The following COL24A1 variants were observed in gnomAD, a reference collection of about 807,000 sequenced individuals.
COL24A1 encodes collagen type XXIV alpha 1 chain, also known as collagen alpha-1(XXIV) chain.
A neutral mutation model predicts 253.9 loss-of-function variants in COL24A1; 224 were observed. The observed-to-expected ratio is 0.88, with a 90% confidence interval of 0.79 to 0.99. The LOEUF (loss-of-function observed/expected upper bound fraction) is 0.99. Ranked by LOEUF, COL24A1 falls within the 50% of genes least tolerant of loss-of-function variation. COL24A1 has a pLI of 0.00. For synonymous variants in COL24A1, 685 were observed against 673.7 expected (o/e 1.02, Z -0.26); for missense variants, 2,131 against 2,068.5 (o/e 1.03, Z -0.59).
intron 41 of COL24A1, among the ~76,000 whole-genome samples, chr1:85,841,521 A>C (rs1676614023): frequency 6.6e-6 from 1 of 152,200 alleles, no homozygotes; most frequent in African/African-American, 2.4e-5. Context: ...GAATTTTCTT[A>C]AAGTGTCAGA....
At position 85,844,265 on chromosome 1, in the gene COL24A1, A is replaced by G. The variant is rs1676932411; in HGVS notation, c.3463-1872T>C. Reference sequence around the variant, plus strand: ...CTATAATGCAATGTAATTAAAAATGAGCAATAAAAATTAAAAATCTACTTA... The same window carrying G: ...CTATAATGCAATGTAATTAAAAATGGGCAATAAAAATTAAAAATCTACTTA... On this transcript the variant is annotated intron_variant, in intron 39 of 59. Transcript: ENST00000370571. Among the ~76,000 whole-genome samples, 4 of 152,224 alleles carry G rather than the reference A, an allele frequency of 2.6e-5. No homozygotes were observed. In the South Asian group the frequency reaches 8.3e-4, roughly 32 times the overall value.
intron 2 of COL24A1, among the ~76,000 whole-genome samples, chr1:86,136,307 GGT>G (rs1650238684): frequency 1.3e-5 from 2 of 151,936 alleles, no homozygotes; most frequent in Admixed American, 1.3e-4. Context: ...TATATTTTGG[GGT>G]GTGTTTCTCA....
rs1011566810 is a variant in COL24A1, at chr1:86,089,085, A to G, written c.1707+89T>C. 1.2e-5 allele frequency: 12 copies of G among 1,034,524 alleles called. No homozygotes were observed. The Admixed American group carries it at 1.4e-4, about 12-fold the overall frequency. The allele number at this position is 1,034,524 out of a possible 1,614,324, so 64.1% of individuals were successfully genotyped here. A position where few individuals can be genotyped will look rare whatever the true frequency, so the allele number is the denominator to read the frequency against. ...ACCTCCAAGATCCATATATCATCCA[A>G]TTATGTTTCAGAACAGGTATCCCTG... On this transcript the variant is annotated intron_variant, in intron 7 of 59. Transcript: ENST00000370571.
chr1:85,762,032 G>T (rs934280862), intron 53 of COL24A1, among the ~76,000 whole-genome samples: 1 of 152,094 alleles, frequency 6.6e-6, no homozygotes, highest in Non-Finnish European at 1.5e-5. Flanking sequence ...ATAATTAAAT[G>T]AATGAATGAT....
Position 86,033,915 on chromosome 1 carries a change from T to C in COL24A1, c.1959A>G (p.Pro653=), listed in dbSNP as rs1698792373. The C allele has an allele frequency of 6.3e-7, 1 of 1,594,422 alleles. No individual in the cohort carries two copies. The highest frequency in any genetic ancestry group is 1.8e-5 in the Admixed American group (1 of 56,380). ...KKGFKGRQGF[P]GDFGDRGPAG... ...CAGGGCCTCTGTCTCCAAAGTCACC[T>C]GGAAAACCCTGTCACAGGGAAAGAG... The change falls in exon 13 of 60, where the codon CCA becomes CCG. Residue 653 remains proline (P), a synonymous_variant. Transcript: ENST00000370571.
chr1:86,106,780 G>T (rs1360903), intron 5 of COL24A1, among the ~76,000 whole-genome samples: 58,566 of 151,956 alleles, frequency 0.39, 12,157 homozygotes, highest in Admixed American at 0.49. Context: ...GAAGAACATT[G>T]TTTCTACCAT....
chr1:86,148,756 A>G (rs1286933309), intron 1 of COL24A1, among the ~76,000 whole-genome samples: 1 of 152,008 alleles, frequency 6.6e-6, no homozygotes, highest in African/African-American at 2.4e-5. Flanking sequence ...TCATTGTTGG[A>G]CATTTGGGTT....
chr1:86,129,083 T>C (rs547262752), intron 2 of COL24A1, among the ~76,000 whole-genome samples: 49 of 152,020 alleles, frequency 3.2e-4, no homozygotes, highest in Non-Finnish European at 3.4e-4. Context: ...GGCTCTTTCA[T>C]TGATAGTGCT....
At chr1:85,831,555 T>C (rs1257184698) in intron 43 of COL24A1, among the ~76,000 whole-genome samples, 1 of 152,118 alleles carries the variant, frequency 6.6e-6, no homozygotes, top group Admixed American at 6.6e-5. Flanking sequence ...TGGTAAAAAT[T>C]AAATGTGCCA....
chr1:85,783,423 C>T (rs1669338325), intron 51 of COL24A1, 73 bp downstream of exon 51: 12 of 1,219,564 alleles, frequency 9.8e-6, no homozygotes, highest in Non-Finnish European at 1.4e-5. Context: ...AAGTACATTA[C>T]ATTTAGAGCT....
chr1:85,776,736 A>T (rs1358896376), intron 52 of COL24A1, among the ~76,000 whole-genome samples: 2 of 151,948 alleles, frequency 1.3e-5, no homozygotes, highest in Non-Finnish European at 2.9e-5. Flanking sequence ...TTTGTTAAAG[A>T]CTGTCTTCCA....
intron 14 of COL24A1, among the ~76,000 whole-genome samples, chr1:86,028,395 A>T (rs1698246038): frequency 6.6e-6 from 1 of 152,158 alleles, no homozygotes; most frequent in East Asian, 1.9e-4. Context: ...ACATAATTGG[A>T]TCATGGAGAT....
chr1:85,760,010 G>C (rs1026223478), intron 55 of COL24A1, among the ~76,000 whole-genome samples: 1 of 152,030 alleles, frequency 6.6e-6, no homozygotes, highest in Non-Finnish European at 1.5e-5. Flanking sequence ...AGGAGGAAAG[G>C]AAGAATAAAC....
At chr1:85,944,757 C>T (rs1386737121) in intron 24 of COL24A1, among the ~76,000 whole-genome samples, 1 of 151,926 alleles carries the variant, frequency 6.6e-6, no homozygotes, top group African/African-American at 2.4e-5. Context: ...CATTCCCCGA[C>T]CCCACAACAG....
chr1:85,800,522 A>G (rs1671318421), intron 47 of COL24A1, among the ~76,000 whole-genome samples: 2 of 152,344 alleles, frequency 1.3e-5, no homozygotes, highest in South Asian at 4.1e-4. Flanking sequence ...ACAGACATTG[A>G]AAACACATTT....
chr1:85,965,880 A>G (rs1224284198), intron 22 of COL24A1, among the ~76,000 whole-genome samples: 3 of 152,176 alleles, frequency 2.0e-5, no homozygotes, highest in Non-Finnish European at 4.4e-5. Context: ...GATGAGGTCA[A>G]AGGAAATGGG....
At chr1:85,759,688 T>C (rs1181957111) in intron 55 of COL24A1, among the ~76,000 whole-genome samples, 2 of 152,244 alleles carry the variant, frequency 1.3e-5, no homozygotes, top group Non-Finnish European at 2.9e-5. Flanking sequence ...TTAATCTTCC[T>C]GATTAATTTC....
intron 47 of COL24A1, among the ~76,000 whole-genome samples, chr1:85,794,272 A>C (rs1306272204): frequency 6.6e-6 from 1 of 152,176 alleles, no homozygotes; most frequent in African/African-American, 2.4e-5. Flanking sequence ...GCCTCACTTT[A>C]CTTATAATTC....
chr1:85,909,656 C>T (rs1044942654), intron 26 of COL24A1, among the ~76,000 whole-genome samples: 2 of 151,780 alleles, frequency 1.3e-5, no homozygotes, highest in African/African-American at 4.8e-5. Context: ...GAAGAGAAAT[C>T]ACAGTATGTA....
Sources: allele counts gnomAD v4.1 joint callset (sites outside exome capture counted in the v4.1 genomes callset), GRCh38; gene constraint gnomAD v4.1.1; transcripts MANE v1.5; gene names NCBI Gene and HGNC (gene_info 2026-07-23, HGNC 2026-07-21).